Variants in FBXO42 observed in about 807,000 individuals in gnomAD.
The protein encoded by FBXO42 is F-box only protein 42.
FBXO42 carries 12 observed loss-of-function variants against 71.7 expected under a neutral mutation model. The ratio of observed to expected loss-of-function variants is 0.17; its 90% CI spans 0.11 to 0.27. The LOEUF (loss-of-function observed/expected upper bound fraction) is 0.27, where lower values mean the gene tolerates loss of function less well. FBXO42 is among the 10% of genes least tolerant of loss of function. FBXO42 has a pLI of 1.00. For missense variants in FBXO42, 707 were observed against 911.9 expected (o/e 0.78, Z 2.89); for synonymous variants, 325 against 327.5 (o/e 0.99, Z 0.08).
chr1:16,333,339 G>A (rs1413693333), intron 1 of FBXO42, among the ~76,000 whole-genome samples: 1 of 151,942 alleles, frequency 6.6e-6, no homozygotes, highest in East Asian at 1.9e-4. Flanking sequence ...AGAGCCAGGA[G>A]TGGTGGCTTA....
chr1:16,267,673 A>G (rs2081793043), intron 4 of FBXO42, among the ~76,000 whole-genome samples: 1 of 152,264 alleles, frequency 6.6e-6, no homozygotes, highest in East Asian at 1.9e-4. Context: ...TTACTCCTCA[A>G]TTGTAAAAAG....
intron 4 of FBXO42, among the ~76,000 whole-genome samples, chr1:16,282,633 C>T (rs1187188000): frequency 1.3e-5 from 2 of 151,620 alleles, no homozygotes; most frequent in Non-Finnish European, 2.9e-5. Flanking sequence ...CAGCTTGAGG[C>T]CAGGAGTTCA....
intron 1 of FBXO42, among the ~76,000 whole-genome samples, chr1:16,335,220 G>C (rs1225425415): frequency 1.3e-5 from 2 of 152,130 alleles, no homozygotes; most frequent in Admixed American, 6.6e-5. Flanking sequence ...TTGAGGCCAG[G>C]AGTCCAGCTG....
At chr1:16,349,071 C>G in intron 1 of FBXO42, among the ~76,000 whole-genome samples, 1 of 152,128 alleles carries the variant, frequency 6.6e-6, no homozygotes, top group East Asian at 1.9e-4. Context: ...TTTGAGAATG[C>G]AGAAGCCATA....
intron 2 of FBXO42, among the ~76,000 whole-genome samples, chr1:16,311,498 AAAAAAATATAT>A (rs57593671): frequency 0.15 from 13,977 of 93,460 alleles, 670 homozygotes; most frequent in Non-Finnish European, 0.18. Context: ...AAAAAAAAAA[AAAAAAATATAT>A]ATATATATAT....
intron 1 of FBXO42, among the ~76,000 whole-genome samples, chr1:16,329,444 C>T (rs138095915): frequency 0.026 from 3,988 of 151,630 alleles, 179 homozygotes; most frequent in African/African-American, 0.089. Context: ...ATTAGCCAGG[C>T]GTGGCGGTGT....
At position 16,249,587 on chromosome 1, in the gene FBXO42, G is replaced by GA. The variant is rs978660693; in HGVS notation, c.*1082dup. 3 of 152,162 alleles carry GA rather than the reference G, an allele frequency of 2.0e-5. No homozygotes were observed. Among genetic ancestry groups the GA allele is most frequent in the Admixed American group, 6.5e-5 (1 of 15,292 alleles). The allele number at this position is 152,162 out of a possible 1,614,324, so 9.4% of individuals were successfully genotyped here. ...TTGGAAGTAAAAAGAAGCCCATAGGGAAAAAACAGTATCTTTTGATGCTTG... is the reference window on the plus strand; with the variant it reads ...TTGGAAGTAAAAAGAAGCCCATAGGGAAAAAAACAGTATCTTTTGATGCTTG... On this transcript the variant is annotated 3_prime_UTR_variant, in exon 10 of 10. Coordinates refer to ENST00000375592, the MANE Select transcript of FBXO42 (RefSeq NM_018994.3).
chr1:16,294,261 T>C (rs2082107438), intron 4 of FBXO42: 1 of 152,428 alleles, frequency 6.6e-6, no homozygotes, highest in African/African-American at 2.4e-5. Context: ...AGTTTCTTTC[T>C]GCCAGATTTC....
intron 1 of FBXO42, among the ~76,000 whole-genome samples, chr1:16,330,540 G>A (rs1398432408): frequency 6.6e-6 from 1 of 152,028 alleles, no homozygotes; most frequent in East Asian, 1.9e-4. Flanking sequence ...CAGGCACAGT[G>A]GTTCATACCT....
At chr1:16,282,840 G>A (rs911297819) in intron 4 of FBXO42, among the ~76,000 whole-genome samples, 4 of 152,104 alleles carry the variant, frequency 2.6e-5, no homozygotes, top group African/African-American at 9.7e-5. Context: ...AATTAGCCGG[G>A]CGTGGTGGTG....
rs578105730 is a variant in FBXO42, at chr1:16,301,254, A to G, written c.367+4549T>C. On this transcript the variant is annotated intron_variant, in intron 3 of 9. Coordinates refer to ENST00000375592, the MANE Select transcript of FBXO42 (RefSeq NM_018994.3). Reference sequence around the variant, plus strand: ...TTTTTGTCCCAGACTTTTCCATAGGAAAGATACTATACTGTGCATACCTTT... The same window carrying G: ...TTTTTGTCCCAGACTTTTCCATAGGGAAGATACTATACTGTGCATACCTTT... Among the ~76,000 whole-genome samples the G allele has an allele frequency of 1.1e-4, 17 of 152,244 alleles. No homozygotes were observed. In the South Asian group the frequency reaches 3.5e-3, roughly 32 times the overall value.
At chr1:16,322,611 A>C (rs1327549719) in intron 1 of FBXO42, among the ~76,000 whole-genome samples, 1 of 152,104 alleles carries the variant, frequency 6.6e-6, no homozygotes, top group Non-Finnish European at 1.5e-5. Context: ...TAAAAAAAAA[A>C]CTATGCTACA....
rs774906930 is a variant in FBXO42, at chr1:16,250,668, C to G, written c.*2G>C. 1.2e-6 allele frequency: 2 copies of G among 1,611,616 alleles called. No individual in the cohort carries two copies. The highest frequency in any genetic ancestry group is 3.3e-5 in the Admixed American group (2 of 59,776). ...CAGAAAAGGAAAGGGGTTTAGAACACATTATCTCTTTGCTCGTACAAAGTA... is the reference window on the plus strand; with the variant it reads ...CAGAAAAGGAAAGGGGTTTAGAACAGATTATCTCTTTGCTCGTACAAAGTA... On this transcript the variant is annotated 3_prime_UTR_variant, in exon 10 of 10. Transcript: ENST00000375592. This position sits in a 1 kb window ranked among gnomAD's most constrained non-coding sequence, Gnocchi z 4.7.
chr1:16,337,037 G>A (rs1048049780), intron 1 of FBXO42, among the ~76,000 whole-genome samples: 5 of 152,116 alleles, frequency 3.3e-5, no homozygotes, highest in African/African-American at 9.7e-5. Context: ...CCAAACACAA[G>A]TGCACATATT....
At chr1:16,343,977 A>G (rs996166613) in intron 1 of FBXO42, among the ~76,000 whole-genome samples, 3 of 151,664 alleles carry the variant, frequency 2.0e-5, no homozygotes, top group African/African-American at 7.2e-5. Context: ...CAACAACAAA[A>G]AAAGAAAACT....
At chr1:16,300,617 C>T (rs2082181359) in intron 3 of FBXO42, among the ~76,000 whole-genome samples, 1 of 152,174 alleles carries the variant, frequency 6.6e-6, no homozygotes, top group East Asian at 1.9e-4. Flanking sequence ...CTCACACCTA[C>T]AAGCCAGAAC....
rs112294679 is a variant in FBXO42, at chr1:16,319,632, G to A, written c.-17-4197C>T. Reference sequence around the variant, plus strand: ...AACTGTATTAGAAAAAGGATCCTAGGCCAGGTGTGGTGGCTCACGCCTGTA... The same window carrying A: ...AACTGTATTAGAAAAAGGATCCTAGACCAGGTGTGGTGGCTCACGCCTGTA... On this transcript the variant is annotated intron_variant, in intron 1 of 9. Coordinates refer to ENST00000375592, the MANE Select transcript of FBXO42 (RefSeq NM_018994.3). Among the ~76,000 whole-genome samples the A allele has an allele frequency of 4.8e-3, 731 of 152,274 alleles. 9 individuals are homozygous for A. Among genetic ancestry groups the A allele is most frequent in the African/African-American group, 0.017 (697 of 41,558 alleles).
At chr1:16,279,203 A>G (rs974988998) in intron 4 of FBXO42, among the ~76,000 whole-genome samples, 17 of 152,242 alleles carry the variant, frequency 1.1e-4, no homozygotes, top group African/African-American at 3.9e-4. Flanking sequence ...CTCCGAAAGT[A>G]AATTAGCTTT....
rs536280773 is a variant in FBXO42 at position 16,296,155 on chromosome 1, C to T, written c.368-1238G>A. On this transcript the variant is annotated intron_variant, in intron 3 of 9. Transcript: ENST00000375592. ...TGCGGTCTCTATCCTTTGGAAATGA[C>T]GATCACATTCCTTACAGTCTTGCAT... 6.6e-5 allele frequency among the ~76,000 whole-genome samples: 10 copies of T among 152,300 alleles called. No homozygotes were observed. The East Asian group carries it at 9.6e-4, about 15-fold the overall frequency.
Sources: gnomAD v4.1 joint callset for allele counts (sites outside exome capture counted in the v4.1 genomes callset) on GRCh38, gnomAD v4.1.1 for gene constraint, Gnocchi (gnomAD v3.1) non-coding constraint, MANE v1.5 for transcripts, NCBI Gene and HGNC (gene_info 2026-07-23, HGNC 2026-07-21) for gene names.